COL5A2: variants seen among roughly 807,000 people sequenced by gnomAD.
COL5A2 encodes the protein collagen type V alpha 2 chain.
COL5A2 carries 23 observed loss-of-function variants against 208.2 expected under a neutral mutation model. The ratio of observed to expected loss-of-function variants is 0.11; its 90% CI spans 0.08 to 0.16. COL5A2 has a LOEUF of 0.16. Among genes scored for constraint, COL5A2 ranks in the 10% least tolerant of loss-of-function variants. COL5A2 has a pLI of 1.00. For synonymous variants in COL5A2, 625 were observed against 628.5 expected, an observed-to-expected ratio of 0.99 and a Z score of 0.08; for missense variants, 1,590 against 1,956.4, an observed-to-expected ratio of 0.81 and a Z score of 3.53.
chr2:189,118,251 AT>A lies in COL5A2; in HGVS notation c.98-7803del, dbSNP rs1278305581. 9.2e-5 allele frequency among the ~76,000 whole-genome samples: 14 copies of A among 152,058 alleles called. No individual in the cohort carries two copies. In the South Asian group the frequency reaches 1.9e-3, roughly 20 times the overall value. On this transcript the variant is annotated intron_variant, in intron 1 of 53. Coordinates refer to ENST00000374866, the MANE Select transcript of COL5A2 (RefSeq NM_000393.5). Reference sequence around the variant, plus strand: ...ACATTATATCCTAAAAAGAACATATATTTTTACTCATTTTTGTAATTGAAAA... The same window carrying A: ...ACATTATATCCTAAAAAGAACATATATTTTACTCATTTTTGTAATTGAAAA...
chr2:189,420,711 C>A, the COL5A2 span, among the ~76,000 whole-genome samples: 1 of 152,110 alleles, frequency 6.6e-6, no homozygotes, highest in Admixed American at 6.5e-5. Flanking sequence ...GAGGCAGTGA[C>A]TGACCACCCT....
At chr2:189,430,621 C>G in the COL5A2 span, among the ~76,000 whole-genome samples, 1 of 152,328 alleles carries the variant, frequency 6.6e-6, no homozygotes, top group African/African-American at 2.4e-5. Flanking sequence ...CAAACTCAGC[C>G]TGGCTGGAGG....
the COL5A2 span, among the ~76,000 whole-genome samples, chr2:189,425,028 A>G: frequency 1.3e-5 from 2 of 152,220 alleles, no homozygotes; most frequent in Non-Finnish European, 2.9e-5. Context: ...TATTTTTGAC[A>G]AACTACACAC....
intron 51 of COL5A2, among the ~76,000 whole-genome samples, chr2:189,037,177 A>G (rs1382067514): frequency 6.6e-6 from 1 of 152,230 alleles, no homozygotes; most frequent in Non-Finnish European, 1.5e-5. Flanking sequence ...AAAATAATGT[A>G]AATAATGTAA....
the COL5A2 span, among the ~76,000 whole-genome samples, chr2:189,378,094 AAAGAATGT>A: frequency 5.5e-4 from 84 of 152,186 alleles, no homozygotes; most frequent in Non-Finnish European, 1.1e-3. Flanking sequence ...TCTCTTCCCT[AAAGAATGT>A]ATACACTTTA....
chr2:189,375,338 A>G, the COL5A2 span, among the ~76,000 whole-genome samples: 64 of 152,214 alleles, frequency 4.2e-4, no homozygotes, highest in African/African-American at 1.5e-3. Flanking sequence ...TTCTAAACCA[A>G]TGTAATTTAC....
intron 19 of COL5A2, 138 bp downstream of exon 19, chr2:189,068,648 A>C: frequency 1.4e-6 from 1 of 694,890 alleles, no homozygotes; most frequent in Non-Finnish European, 2.6e-6. Flanking sequence ...CATCTTAGGC[A>C]TATAACAGAA....
intron 1 of COL5A2, among the ~76,000 whole-genome samples, chr2:189,225,130 T>G (rs963390725): frequency 3.3e-5 from 5 of 152,148 alleles, no homozygotes; most frequent in Non-Finnish European, 5.9e-5. Context: ...TAATCAAAAC[T>G]CTTTATACTG....
At chr2:189,208,290 C>A (rs186229948) in intron 1 of COL5A2, among the ~76,000 whole-genome samples, 2 of 152,288 alleles carry the variant, frequency 1.3e-5, no homozygotes, top group East Asian at 3.9e-4. Context: ...TTGTACAGTG[C>A]TTTGCACAAT....
At chr2:189,154,984 A>G (rs1023642046) in intron 1 of COL5A2, among the ~76,000 whole-genome samples, 1 of 152,070 alleles carries the variant, frequency 6.6e-6, no homozygotes, top group Non-Finnish European at 1.5e-5. Flanking sequence ...CAGATTATTT[A>G]TTTATTTATT....
At chr2:189,204,896 T>A (rs1179172702) in intron 1 of COL5A2, among the ~76,000 whole-genome samples, 5 of 152,138 alleles carry the variant, frequency 3.3e-5, no homozygotes, top group African/African-American at 1.2e-4. Context: ...GGTCTTGGGA[T>A]CTCCTGGTAG....
the COL5A2 span, among the ~76,000 whole-genome samples, chr2:189,434,808 C>A: frequency 6.6e-6 from 1 of 152,136 alleles, no homozygotes; most frequent in Non-Finnish European, 1.5e-5. Flanking sequence ...ATTTTCTTCA[C>A]AGAATGAGAA....
At chr2:189,400,460 T>C in the COL5A2 span, among the ~76,000 whole-genome samples, 3 of 152,218 alleles carry the variant, frequency 2.0e-5, no homozygotes, top group African/African-American at 7.2e-5. Flanking sequence ...TTAACTTTTT[T>C]CAGTTATTTA....
intron 4 of COL5A2, 40 bp from the exon 5 acceptor site, chr2:189,098,799 T>C: frequency 6.5e-7 from 1 of 1,543,818 alleles, no homozygotes; most frequent in Non-Finnish European, 9.0e-7. Flanking sequence ...GTAAAGTTTC[T>C]GCAGATATTC....
chr2:189,361,426 C>G, the COL5A2 span, among the ~76,000 whole-genome samples: 3 of 151,918 alleles, frequency 2.0e-5, no homozygotes, highest in Non-Finnish European at 2.9e-5. Context: ...AAGTATAACT[C>G]CTGCTGCTCT....
At chr2:189,074,400 C>A (rs1417494461) in intron 17 of COL5A2, among the ~76,000 whole-genome samples, 1 of 152,012 alleles carries the variant, frequency 6.6e-6, no homozygotes, top group Non-Finnish European at 1.5e-5. Context: ...TGGTCTGAAG[C>A]AAAATACAAT....
chr2:189,437,650 A>G, the COL5A2 span, among the ~76,000 whole-genome samples: 1 of 152,216 alleles, frequency 6.6e-6, no homozygotes, highest in African/African-American at 2.4e-5. Context: ...GGGCAGAGGT[A>G]TACAAGAGAG....
the COL5A2 span, among the ~76,000 whole-genome samples, chr2:189,395,126 A>G: frequency 6.6e-6 from 1 of 152,214 alleles, no homozygotes; most frequent in Non-Finnish European, 1.5e-5. Context: ...CTATTAGAAT[A>G]ATGTATTTTA....
Position 189,085,154 on chromosome 2 carries a change from G to A in COL5A2, c.798+6C>T. 1.9e-6 allele frequency: 3 copies of A among 1,610,618 alleles called. No individual in the cohort carries two copies. Among genetic ancestry groups the A allele is most frequent in the East Asian group, 2.2e-5 (1 of 44,802 alleles). ...CCTGAATGGAAAATGAGGAAAGGTA[G>A]CTTACATCTTCCCCAGGTTTACCAG... On this transcript the variant is annotated splice_donor_region_variant and intron_variant, in intron 11 of 53. Coordinates refer to ENST00000374866, the MANE Select transcript of COL5A2 (RefSeq NM_000393.5).
Sources: gnomAD v4.1 joint callset for allele counts (sites outside exome capture counted in the v4.1 genomes callset) on GRCh38, gnomAD v4.1.1 for gene constraint, MANE v1.5 for transcripts, NCBI Gene and HGNC (gene_info 2026-07-23, HGNC 2026-07-21) for gene names.